Variants in SHTN1 observed in about 807,000 individuals in gnomAD.
SHTN1 encodes the protein shootin 1, also known as shootin-1.
A neutral mutation model predicts 83.1 loss-of-function variants in SHTN1; 42 were observed. That is an observed-to-expected ratio of 0.51 (90% CI 0.39 to 0.65). SHTN1 has a LOEUF of 0.65. Ranked by LOEUF, SHTN1 falls within the 30% of genes least tolerant of loss-of-function variation. SHTN1 has a pLI of 0.00. For synonymous variants in SHTN1, 224 were observed against 247.7 expected (o/e 0.90, Z 0.90); for missense variants, 622 against 737.8 (o/e 0.84, Z 1.82).
chr10:117,125,199 C>G (rs758647486), intron 1 of SHTN1, among the ~76,000 whole-genome samples: 1 of 152,186 alleles, frequency 6.6e-6, no homozygotes, highest in Non-Finnish European at 1.5e-5. Flanking sequence ...TATCCCCAGG[C>G]AGCTACCATC....
At chr10:116,954,719 C>T (rs951659510) in intron 4 of SHTN1, among the ~76,000 whole-genome samples, 3 of 152,164 alleles carry the variant, frequency 2.0e-5, no homozygotes, top group African/African-American at 4.8e-5. Flanking sequence ...GGATTAAACA[C>T]ATGACCCAAG....
intron 2 of SHTN1, among the ~76,000 whole-genome samples, chr10:117,026,247 T>TC (rs1852331071): frequency 6.6e-6 from 1 of 152,166 alleles, no homozygotes; most frequent in Non-Finnish European, 1.5e-5. Context: ...GAAAAGCCCT[T>TC]CAGCCTTAGG....
At chr10:116,983,559 T>A (rs534212265) in intron 1 of SHTN1, among the ~76,000 whole-genome samples, 1 of 152,220 alleles carries the variant, frequency 6.6e-6, no homozygotes, top group South Asian at 2.1e-4. Context: ...GCGGGGCTTT[T>A]AAATCATATA....
At chr10:116,901,023 A>G in intron 16 of SHTN1, 1 of 985,458 alleles carries the variant, frequency 1.0e-6, no homozygotes, top group Non-Finnish European at 1.2e-6. Context: ...TTGATAGGAC[A>G]GGAAATCAGA....
intron 2 of SHTN1, among the ~76,000 whole-genome samples, chr10:117,022,270 A>C (rs1254752513): frequency 6.6e-6 from 1 of 152,254 alleles, no homozygotes; most frequent in Non-Finnish European, 1.5e-5. Context: ...TTATTTTAAT[A>C]AAACCAGAAT....
chr10:116,928,003 G>A (rs1848809283), intron 10 of SHTN1, 112 bp from the exon 11 acceptor site: 2 of 1,226,328 alleles, frequency 1.6e-6, no homozygotes, highest in East Asian at 2.5e-5. Flanking sequence ...TTTTATTAAG[G>A]CAAAATTAGA....
At chr10:117,098,424 C>T (rs1020014030) in intron 1 of SHTN1, among the ~76,000 whole-genome samples, 27 of 148,206 alleles carry the variant, frequency 1.8e-4, no homozygotes, top group Non-Finnish European at 1.9e-4. Context: ...AAAAAAGTTC[C>T]TGAAATTTGA....
At chr10:116,973,163 A>G (rs1022658809) in intron 2 of SHTN1, among the ~76,000 whole-genome samples, 15 of 152,228 alleles carry the variant, frequency 9.9e-5, no homozygotes, top group African/African-American at 3.6e-4. Flanking sequence ...AGGGCTCAGC[A>G]GAAGTACAGA....
intron 2 of SHTN1, among the ~76,000 whole-genome samples, chr10:117,036,588 A>G (rs1211669697): frequency 2.6e-5 from 4 of 152,168 alleles, no homozygotes; most frequent in East Asian, 1.9e-4. Flanking sequence ...ACTCAAAACA[A>G]TTGAACTCAT....
intron 9 of SHTN1, 66 bp from the exon 10 acceptor site, chr10:116,930,068 AG>A: frequency 9.0e-7 from 1 of 1,113,850 alleles, no homozygotes; most frequent in South Asian, 1.7e-5. Flanking sequence ...AAGAAAAGAA[AG>A]GGAAAAAATA....
At chr10:117,097,013 G>GCGCA in intron 1 of SHTN1, among the ~76,000 whole-genome samples, 1 of 141,760 alleles carries the variant, frequency 7.1e-6, no homozygotes, top group East Asian at 2.1e-4. Flanking sequence ...GCACGCGCGC[G>GCGCA]CACACACACA....
upstream of SHTN1, among the ~76,000 whole-genome samples, chr10:117,005,861 C>T: frequency 6.6e-6 from 1 of 152,364 alleles, no homozygotes; most frequent in South Asian, 2.1e-4. Flanking sequence ...TGCAGATCAT[C>T]TGGTTGGTGG....
rs555870699 is a variant in SHTN1, at chr10:116,999,665, AGCACTTTGGGAG to A, written c.58+5345_58+5356del. On this transcript the variant is annotated intron_variant, in intron 1 of 16. Coordinates refer to ENST00000355371, the MANE Select transcript of SHTN1 (RefSeq NM_001127211.3). ...TGCGGTGGCTCACGCCTGTAATCCC[AGCACTTTGGGAG>A]GCCTAGGCGGGTGGATCACAAGGTC... Among the ~76,000 whole-genome samples, 44 of 152,362 alleles carry A rather than the reference AGCACTTTGGGAG, an allele frequency of 2.9e-4. No homozygotes were observed. The South Asian group carries it at 8.9e-3, about 31-fold the overall frequency.
chr10:117,085,568 T>C (rs936562462), intron 1 of SHTN1, among the ~76,000 whole-genome samples: 7 of 152,232 alleles, frequency 4.6e-5, no homozygotes, highest in Non-Finnish European at 1.0e-4. Context: ...GAATGTTTCA[T>C]GTGAGCTCAA....
intron 1 of SHTN1, among the ~76,000 whole-genome samples, chr10:117,104,648 C>T (rs1282138573): frequency 6.6e-6 from 1 of 152,072 alleles, no homozygotes. Flanking sequence ...GTGGTGGGCG[C>T]CTGTAGCCCC....
chr10:116,904,257 G>C lies in SHTN1; in HGVS notation c.1481-2300C>G, dbSNP rs115568368. Reference sequence around the variant, plus strand: ...CTGACTCCCAACATGCAGCTCTGCAGCTTTACTTTCTTGCTTACTTTCCCC... The same window carrying C: ...CTGACTCCCAACATGCAGCTCTGCACCTTTACTTTCTTGCTTACTTTCCCC... On this transcript the variant is annotated intron_variant, in intron 15 of 16. Transcript: ENST00000355371. Among the ~76,000 whole-genome samples the C allele has an allele frequency of 2.5e-3, 386 of 152,224 alleles. 3 individuals carry two copies. The highest frequency in any genetic ancestry group is 8.5e-3 in the African/African-American group (354 of 41,538).
chr10:116,985,227 A>AAT (rs1252619016), intron 1 of SHTN1, among the ~76,000 whole-genome samples: 1 of 152,250 alleles, frequency 6.6e-6, no homozygotes, highest in Non-Finnish European at 1.5e-5. Flanking sequence ...GCCTATGTTG[A>AAT]ATAAATGAAT....
At chr10:117,073,096 C>T (rs1053645835) in intron 1 of SHTN1, among the ~76,000 whole-genome samples, 6 of 152,034 alleles carry the variant, frequency 3.9e-5, no homozygotes, top group African/African-American at 1.4e-4. Flanking sequence ...TAGAATTGAA[C>T]AAGTAAAAGA....
intron 1 of SHTN1, among the ~76,000 whole-genome samples, chr10:117,060,446 T>G (rs920405538): frequency 1.3e-5 from 2 of 152,160 alleles, no homozygotes; most frequent in African/African-American, 4.8e-5. Flanking sequence ...GCCAAACAGT[T>G]TGAGAACCGC....
Sources: allele counts gnomAD v4.1 joint callset (sites outside exome capture counted in the v4.1 genomes callset), GRCh38; gene constraint gnomAD v4.1.1; transcripts MANE v1.5; gene names NCBI Gene and HGNC (gene_info 2026-07-23, HGNC 2026-07-21).